The following KIF26B variants were observed in gnomAD, a reference collection of about 807,000 sequenced individuals.
KIF26B encodes kinesin family member 26B.
Under a neutral mutation model 151.2 loss-of-function variants are expected in KIF26B, and 63 were observed. That is an observed-to-expected ratio of 0.42 (90% confidence interval 0.34 to 0.51). KIF26B has a LOEUF of 0.51. Among genes scored for constraint, KIF26B ranks in the 20% least tolerant of loss-of-function variants. The pLI, the probability that KIF26B is intolerant of heterozygous loss-of-function variation, is 0.07. For synonymous variants in KIF26B, 1,357 were observed against 1,262.1 expected (o/e 1.08, Z -1.59); for missense variants, 2,813 against 2,913.6 (o/e 0.97, Z 0.79).
chr1:245,684,143 C>G, intron 10 of KIF26B, 90 bp from the exon 11 acceptor site: 1 of 1,414,468 alleles, frequency 7.1e-7, no homozygotes, highest in Non-Finnish European at 9.6e-7. Flanking sequence ...CCACCCACAA[C>G]AAAATGGCCG....
intron 2 of KIF26B, among the ~76,000 whole-genome samples, chr1:245,262,970 A>G (rs986668197): frequency 6.6e-6 from 1 of 152,124 alleles, no homozygotes; most frequent in African/African-American, 2.4e-5. Context: ...AGCACTTAGA[A>G]CCATACCTGG....
intron 2 of KIF26B, among the ~76,000 whole-genome samples, chr1:245,223,813 G>C (rs1244527916): frequency 6.6e-6 from 1 of 152,186 alleles, no homozygotes; most frequent in African/African-American, 2.4e-5. Flanking sequence ...CGTAGATGGT[G>C]CAAAGGTAAC....
In KIF26B at chr1:245,419,576, C is replaced by T. The variant is rs776668009; in HGVS notation, c.1000-3C>T. On this transcript the variant is annotated splice_region_variant and splice_polypyrimidine_tract_variant and intron_variant, in intron 3 of 14. Transcript: ENST00000407071. ...TGAGCTCCGTATCCATTTTCTTTGT[C>T]AGATCTCCCAGCTGATGACAGAGAG... 1.2e-6 allele frequency: 2 copies of T among 1,605,214 alleles called. No homozygotes were observed. The highest frequency in any genetic ancestry group is 1.3e-5 in the African/African-American group (1 of 74,802).
intron 4 of KIF26B, among the ~76,000 whole-genome samples, chr1:245,527,680 C>A (rs1369479563): frequency 2.0e-5 from 3 of 150,978 alleles, no homozygotes; most frequent in Non-Finnish European, 2.9e-5. Context: ...ACTACAGGCG[C>A]CTGCAACCAC....
At chr1:245,332,954 G>A (rs548144508) in intron 2 of KIF26B, among the ~76,000 whole-genome samples, 3 of 152,250 alleles carry the variant, frequency 2.0e-5, no homozygotes, top group Admixed American at 2.0e-4. Context: ...AGCAGAAAAA[G>A]GGCAAAATGT....
At chr1:245,266,495 T>TTTTC (rs556112839) in intron 2 of KIF26B, among the ~76,000 whole-genome samples, 50 of 152,040 alleles carry the variant, frequency 3.3e-4, no homozygotes, top group East Asian at 2.1e-3. Context: ...TACCATTTTC[T>TTTTC]TTTCTTTCTT....
rs1323920462 is a variant in KIF26B, at chr1:245,255,536, G to A, written c.465+98853G>A. On this transcript the variant is annotated intron_variant, in intron 2 of 14. Transcript: ENST00000407071. ...TTCTCAAAAGCACTTTGTACATCATGTGATTTGTATGTTTTTTGCTTGGTA... is the reference window on the plus strand; with the variant it reads ...TTCTCAAAAGCACTTTGTACATCATATGATTTGTATGTTTTTTGCTTGGTA... Among the ~76,000 whole-genome samples, 3 of 152,162 alleles carry A rather than the reference G, an allele frequency of 2.0e-5. No homozygotes were observed. In the East Asian group the frequency reaches 5.8e-4, roughly 29 times the overall value.
In KIF26B at chr1:245,358,648, C is replaced by A. The variant is rs901557408; in HGVS notation, c.466-8186C>A. On this transcript the variant is annotated intron_variant, in intron 2 of 14. Transcript: ENST00000407071. The surrounding 1 kb of genome is among the most constrained non-coding windows in gnomAD (Gnocchi z 4.1). Reference sequence around the variant, plus strand: ...AGATAATTAACAGAATCCTTGATAGCCTTATACTAATACAACTACTTGCAG... The same window carrying A: ...AGATAATTAACAGAATCCTTGATAGACTTATACTAATACAACTACTTGCAG... Among the ~76,000 whole-genome samples, 1 of 152,204 alleles carries A rather than the reference C, an allele frequency of 6.6e-6. No homozygotes were observed. Among genetic ancestry groups the A allele is most frequent in the African/African-American group, 2.4e-5 (1 of 41,450 alleles).
chr1:245,556,282 T>TC (rs796940096), intron 5 of KIF26B, among the ~76,000 whole-genome samples: 39,824 of 120,662 alleles, frequency 0.33, 7,335 homozygotes, highest in Non-Finnish European at 0.37. Flanking sequence ...CTCTTCTTCT[T>TC]CTTCCTCCTC....
At chr1:245,616,690 T>G (rs568303421) in intron 9 of KIF26B, among the ~76,000 whole-genome samples, 1 of 152,298 alleles carries the variant, frequency 6.6e-6, no homozygotes, top group African/African-American at 2.4e-5. Flanking sequence ...GGTGTGGAAT[T>G]TTCCCCTTGT....
chr1:245,630,169 T>A lies in KIF26B; in HGVS notation c.2099-15952T>A, dbSNP rs554253829. Among the ~76,000 whole-genome samples, 6 of 150,794 alleles carry A rather than the reference T, an allele frequency of 4.0e-5. No homozygotes were observed. The Admixed American group carries it at 4.0e-4, about 10-fold the overall frequency. On this transcript the variant is annotated intron_variant, in intron 9 of 14. Coordinates refer to ENST00000407071, the MANE Select transcript of KIF26B (RefSeq NM_018012.4). Reference sequence around the variant, plus strand: ...TTAGTTCAACTTCTGTGGAAGACAGTGTGGTGATTCTTCAAGGATCTAGAA... The same window carrying A: ...TTAGTTCAACTTCTGTGGAAGACAGAGTGGTGATTCTTCAAGGATCTAGAA...
At chr1:245,156,253 C>G in intron 1 of KIF26B, 29 bp from the exon 2 acceptor site, 1 of 1,540,326 alleles carries the variant, frequency 6.5e-7, no homozygotes, top group Non-Finnish European at 8.7e-7. Flanking sequence ...CGCCTTGCAG[C>G]CCCTGACACC....
intron 9 of KIF26B, among the ~76,000 whole-genome samples, chr1:245,632,679 G>A (rs1383606947): frequency 2.0e-5 from 3 of 152,168 alleles, no homozygotes; most frequent in Non-Finnish European, 4.4e-5. Flanking sequence ...AGGCCAAGGC[G>A]GGCCAATCAC....
rs1229333598 is a variant in KIF26B at position 245,352,270 on chromosome 1, G to T, written c.466-14564G>T. Among the ~76,000 whole-genome samples, 1 of 152,036 alleles carries T rather than the reference G, an allele frequency of 6.6e-6. No homozygotes were observed. Among genetic ancestry groups the T allele is most frequent in the Non-Finnish European group, 1.5e-5 (1 of 68,010 alleles). On this transcript the variant is annotated intron_variant, in intron 2 of 14. Coordinates refer to ENST00000407071, the MANE Select transcript of KIF26B (RefSeq NM_018012.4). The surrounding 1 kb of genome is among the most constrained non-coding windows in gnomAD (Gnocchi z 5.0). The stretch of plus-strand genomic sequence containing the variant: ...CAGTTTTTTGTTTGTTTGTTTGTTT[G>T]TGTTCCTTTTTGAGACAGAGTCTCA...
At chr1:245,600,330 G>A (rs1302288793) in intron 5 of KIF26B, among the ~76,000 whole-genome samples, 7 of 147,006 alleles carry the variant, frequency 4.8e-5, no homozygotes, top group South Asian at 4.5e-4. Context: ...GAGCCACCAC[G>A]CCTGGCCGTT....
Position 245,166,252 on chromosome 1 carries a change from C to CTTCCTTCCATCCTTCCTTCCCTCT in KIF26B, c.465+9577_465+9578insATCCTTCCTTCCCTCTTTCCTTCC, listed in dbSNP as rs1668612687. Among the ~76,000 whole-genome samples, 1 of 152,102 alleles carries CTTCCTTCCATCCTTCCTTCCCTCT rather than the reference C, an allele frequency of 6.6e-6. No individual in the cohort carries two copies. Among genetic ancestry groups the CTTCCTTCCATCCTTCCTTCCCTCT allele is most frequent in the African/African-American group, 2.4e-5 (1 of 41,418 alleles). Reference sequence around the variant, plus strand: ...AATTTTATATAAGATTCCTACCCTCCTTCCTTCCCTCCTTCCTTCCCTCTT... The same window carrying CTTCCTTCCATCCTTCCTTCCCTCT: ...AATTTTATATAAGATTCCTACCCTCCTTCCTTCCATCCTTCCTTCCCTCTTTCCTTCCCTCCTTCCTTCCCTCTT... On this transcript the variant is annotated intron_variant, in intron 2 of 14. Coordinates refer to ENST00000407071, the MANE Select transcript of KIF26B (RefSeq NM_018012.4). The surrounding 1 kb of genome is among the most constrained non-coding windows in gnomAD (Gnocchi z 4.5).
At chr1:245,215,905 C>A (rs1218101736) in intron 2 of KIF26B, among the ~76,000 whole-genome samples, 1 of 151,962 alleles carries the variant, frequency 6.6e-6, no homozygotes, top group African/African-American at 2.4e-5. Flanking sequence ...TTCAAGATTA[C>A]ATATTAAAAG....
chr1:245,486,395 G>GA (rs5782349), intron 4 of KIF26B, among the ~76,000 whole-genome samples: 1 of 150,554 alleles, frequency 6.6e-6, no homozygotes, highest in Non-Finnish European at 1.5e-5. Context: ...TTTAAGGGAG[G>GA]AAAAAAAAAA....
At chr1:245,169,089 A>G (rs1668661097) in intron 2 of KIF26B, among the ~76,000 whole-genome samples, 1 of 152,134 alleles carries the variant, frequency 6.6e-6, no homozygotes, top group Admixed American at 6.5e-5. Context: ...AGTGGAGAAC[A>G]GGCACAGAGG....
Sources: gnomAD v4.1 joint callset for allele counts (sites outside exome capture counted in the v4.1 genomes callset) on GRCh38, gnomAD v4.1.1 for gene constraint, Gnocchi (gnomAD v3.1) non-coding constraint, MANE v1.5 for transcripts, NCBI Gene and HGNC (gene_info 2026-07-23, HGNC 2026-07-21) for gene names.